The following DLGAP2 variants were observed in gnomAD, a reference collection of about 807,000 sequenced individuals.
DLGAP2 encodes the protein DLG associated protein 2.
A neutral mutation model predicts 100.3 loss-of-function variants in DLGAP2; 26 were observed. The ratio of observed to expected loss-of-function variants is 0.26; its 90% CI spans 0.19 to 0.36. The LOEUF is 0.36. DLGAP2 is among the 10% of genes least tolerant of loss of function. The probability of loss-of-function intolerance (pLI) is 1.00; values close to 1 mark genes in which losing one functional copy is unlikely to be tolerated. For missense variants in DLGAP2, 1,858 were observed against 1,453.2 expected (o/e 1.28, Z -4.53); for synonymous variants, 886 against 630.1 (o/e 1.41, Z -6.08).
intron 3 of DLGAP2, among the ~76,000 whole-genome samples, chr8:1,305,794 A>C (rs1800475382): frequency 6.6e-6 from 1 of 152,196 alleles, no homozygotes; most frequent in Admixed American, 6.5e-5. Flanking sequence ...CTTGAGTAAC[A>C]ACAGCTACCG....
chr8:780,025 C>A lies in DLGAP2; in HGVS notation c.18+42200C>A, dbSNP rs530553661. On this transcript the variant is annotated intron_variant, in intron 1 of 14. Coordinates refer to ENST00000637795, the MANE Select transcript of DLGAP2 (RefSeq NM_001346810.2). ...TCTTTTTAGTGAAAACATTAAAATTCTATTCTAGAGATTTTGAAATGTTTG... is the reference window on the plus strand; with the variant it reads ...TCTTTTTAGTGAAAACATTAAAATTATATTCTAGAGATTTTGAAATGTTTG... 2.6e-5 allele frequency among the ~76,000 whole-genome samples: 4 copies of A among 152,216 alleles called. No individual in the cohort carries two copies. In the South Asian group the frequency reaches 8.3e-4, roughly 32 times the overall value.
intron 1 of DLGAP2, among the ~76,000 whole-genome samples, chr8:755,697 C>T (rs770469995): frequency 6.6e-6 from 1 of 152,058 alleles, no homozygotes; most frequent in African/African-American, 2.4e-5. Flanking sequence ...GGTTGACTAG[C>T]GGCTGGCATG....
intron 3 of DLGAP2, among the ~76,000 whole-genome samples, chr8:1,288,194 T>C: frequency 9.3e-6 from 1 of 107,880 alleles, no homozygotes; most frequent in Middle Eastern, 4.6e-3. Context: ...CGGTTGAGTG[T>C]GTGTGTGTGT....
chr8:801,776 C>G (rs66491931), intron 1 of DLGAP2, among the ~76,000 whole-genome samples: 1 of 152,086 alleles, frequency 6.6e-6, no homozygotes, highest in East Asian at 1.9e-4. Flanking sequence ...TAGGCTGTTT[C>G]TCTCCTGGGG....
rs577338851 is a variant in DLGAP2 at position 930,673 on chromosome 8, G to A, written c.73+22707G>A. 2.8e-5 allele frequency among the ~76,000 whole-genome samples: 4 copies of A among 140,456 alleles called. No individual in the cohort carries two copies. In the South Asian group the frequency reaches 6.9e-4, roughly 24 times the overall value. The allele number at this position is 140,456 out of a possible 152,430, so 92.1% of individuals were successfully genotyped here. A position where few individuals can be genotyped will look rare whatever the true frequency, so the allele number is the denominator to read the frequency against. ...ACAGGCTGTGGGCCAGACACCAAGA[G>A]CAGGTGCAGGTGTGCGGGGATTGGG... On this transcript the variant is annotated intron_variant, in intron 2 of 14. Coordinates refer to ENST00000637795, the MANE Select transcript of DLGAP2 (RefSeq NM_001346810.2).
chr8:778,678 TGAG>T (rs1174471673), intron 1 of DLGAP2, among the ~76,000 whole-genome samples: 1 of 152,224 alleles, frequency 6.6e-6, no homozygotes, highest in East Asian at 1.9e-4. Context: ...GGCACCCACT[TGAG>T]GAGGCAGTCT....
intron 3 of DLGAP2, chr8:1,300,332 A>T (rs1800303437): frequency 6.6e-6 from 1 of 152,136 alleles, no homozygotes; most frequent in Admixed American, 6.5e-5. Flanking sequence ...ACTGAGGGGA[A>T]GGGTAGGAAA....
chr8:1,262,377 AT>A (rs1214988177), intron 3 of DLGAP2: 1 of 152,218 alleles, frequency 6.6e-6, no homozygotes, highest in Non-Finnish European at 1.5e-5. Flanking sequence ...TGTTTAAAAG[AT>A]TGATTATTAT....
intron 2 of DLGAP2, among the ~76,000 whole-genome samples, chr8:938,153 G>C (rs1799114059): frequency 6.6e-6 from 1 of 152,106 alleles, no homozygotes; most frequent in Non-Finnish European, 1.5e-5. Context: ...GCCTGGGAAG[G>C]CCACAAAGCT....
intron 2 of DLGAP2, among the ~76,000 whole-genome samples, chr8:1,026,851 C>T (rs1208072409): frequency 6.6e-6 from 1 of 152,172 alleles, no homozygotes; most frequent in African/African-American, 2.4e-5. Context: ...TTCTAACTGA[C>T]CCCCAACACA....
intron 2 of DLGAP2, among the ~76,000 whole-genome samples, chr8:1,157,316 A>G (rs952333622): frequency 2.0e-5 from 3 of 152,042 alleles, no homozygotes; most frequent in African/African-American, 7.2e-5. Context: ...CTGCTCAGCC[A>G]TTTCACCGAT....
intron 3 of DLGAP2, among the ~76,000 whole-genome samples, chr8:1,451,003 G>T (rs1375848449): frequency 1.3e-5 from 2 of 152,122 alleles, no homozygotes; most frequent in African/African-American, 4.8e-5. Flanking sequence ...GAGTCCCAGG[G>T]TCACCGAATT....
intron 4 of DLGAP2, among the ~76,000 whole-genome samples, chr8:1,537,455 A>T (rs1039174859): frequency 1.3e-5 from 2 of 152,216 alleles, no homozygotes; most frequent in East Asian, 3.9e-4. Context: ...TGATTCTCCC[A>T]TGCCTGCCAC....
intron 2 of DLGAP2, among the ~76,000 whole-genome samples, chr8:1,173,209 C>T (rs973292972): frequency 1.4e-4 from 21 of 152,238 alleles, no homozygotes; most frequent in African/African-American, 4.1e-4. Context: ...TTTCGTGAAC[C>T]GCGAATGCTG....
chr8:1,046,349 T>G (rs1802515182), intron 2 of DLGAP2, among the ~76,000 whole-genome samples: 1 of 152,148 alleles, frequency 6.6e-6, no homozygotes, highest in Non-Finnish European at 1.5e-5. Flanking sequence ...TTACCTCTAG[T>G]TTGGAGGTTG....
intron 2 of DLGAP2, among the ~76,000 whole-genome samples, chr8:933,007 C>T (rs1299541925): frequency 6.6e-6 from 1 of 152,096 alleles, no homozygotes; most frequent in African/African-American, 2.4e-5. Flanking sequence ...TTTCTTCTTT[C>T]CTGCAAGAAT....
At chr8:1,028,591 C>G (rs1244806366) in intron 2 of DLGAP2, among the ~76,000 whole-genome samples, 3 of 152,196 alleles carry the variant, frequency 2.0e-5, no homozygotes, top group Non-Finnish European at 4.4e-5. Context: ...GGCGTGGCTG[C>G]CCTGGCAGTG....
At chr8:1,246,874 G>A (rs1302200087) in intron 2 of DLGAP2, 10 of 99,368 alleles carry the variant, frequency 1.0e-4, no homozygotes, top group African/African-American at 4.2e-4. Flanking sequence ...AGATCATTGT[G>A]GGAGTAATGG....
chr8:1,279,188 A>G (rs951709404), intron 3 of DLGAP2, among the ~76,000 whole-genome samples: 1 of 152,192 alleles, frequency 6.6e-6, no homozygotes, highest in South Asian at 2.1e-4. Context: ...TAAGTTAGGA[A>G]GTTCTTAACC....
Sources: gnomAD v4.1 joint callset for allele counts (sites outside exome capture counted in the v4.1 genomes callset) on GRCh38, gnomAD v4.1.1 for gene constraint, MANE v1.5 for transcripts, NCBI Gene and HGNC (gene_info 2026-07-23, HGNC 2026-07-21) for gene names.